The following HEPH variants were observed in gnomAD, a reference collection of about 807,000 sequenced individuals.
HEPH encodes the protein hephaestin.
A neutral mutation model predicts 80.8 loss-of-function variants in HEPH; 69 were observed. The ratio of observed to expected loss-of-function variants is 0.85; its 90% CI spans 0.70 to 1.04. The LOEUF (loss-of-function observed/expected upper bound fraction) is 1.04, where lower values mean the gene tolerates loss of function less well. Ranked by LOEUF, HEPH falls within the 50% of genes least tolerant of loss-of-function variation. The pLI, the probability that HEPH is intolerant of heterozygous loss-of-function variation, is 0.00. For synonymous variants in HEPH, 431 were observed against 322.8 expected (o/e 1.34, Z -3.60); for missense variants, 1,115 against 891.3 (o/e 1.25, Z -3.20).
chrX:66,186,276 GC>G (rs777877117), intron 4 of HEPH, among the ~76,000 whole-genome samples: 32,103 of 99,440 alleles, frequency 0.32, 6,823 homozygotes, highest in African/African-American at 0.73. Context: ...GCAAGCCTGG[GC>G]AATGGCGGGC....
chrX:66,255,107 C>A lies in HEPH; in HGVS notation c.2636C>A (p.Ser879Tyr). ...GPGPNDSACV[S>Y]WIYYSAVDPI... ...GGGCCCAATGACTCTGCTTGTGTTT[C>A]CTGGATCTATTATTCTGCAGTGGAT... Residue 879 changes from serine (S) to tyrosine (Y), a missense_variant, in exon 16 of 21, where the codon TCC (serine) becomes TAC (tyrosine). Coordinates refer to ENST00000343002, the MANE Select transcript of HEPH (RefSeq NM_001367233.3). 8.3e-7 allele frequency: 1 copy of A among 1,206,433 alleles called. No individual in the cohort carries two copies. The highest frequency in any genetic ancestry group is 1.1e-6 in the Non-Finnish European group (1 of 892,060).
At chrX:66,265,089 G>A (rs2091494010) in intron 20 of HEPH, among the ~76,000 whole-genome samples, 1 of 110,465 alleles carries the variant, frequency 9.1e-6, no homozygotes, top group Non-Finnish European at 1.9e-5. Context: ...AAAGGAGTAT[G>A]TGGTAGAATG....
At chrX:66,199,367 C>A (rs998604127) in intron 11 of HEPH, among the ~76,000 whole-genome samples, 6 of 109,758 alleles carry the variant, frequency 5.5e-5, no homozygotes, top group Admixed American at 9.6e-5. Context: ...GGGTCCCCCC[C>A]CCCCATACTC....
intron 13 of HEPH, 55 bp from the exon 14 acceptor site, chrX:66,207,140 A>G (rs1181594162): frequency 2.0e-5 from 23 of 1,154,895 alleles, no homozygotes; most frequent in Non-Finnish European, 2.6e-5. Flanking sequence ...AAATACTCAA[A>G]TGAAAATGAG....
At chrX:66,243,546 A>T (rs2090690335) in intron 15 of HEPH, among the ~76,000 whole-genome samples, 1 of 112,769 alleles carries the variant, frequency 8.9e-6, no homozygotes, top group Non-Finnish European at 1.9e-5. Flanking sequence ...CTATACTTTG[A>T]CCCTATGGGT....
chrX:66,242,886 A>G (rs753417936), intron 15 of HEPH, among the ~76,000 whole-genome samples: 9 of 112,030 alleles, frequency 8.0e-5, no homozygotes, highest in Non-Finnish European at 1.7e-4. Flanking sequence ...GATTGTGGAT[A>G]AAAGGGAATG....
chrX:66,238,746 C>G (rs1160052453), intron 15 of HEPH, among the ~76,000 whole-genome samples: 1 of 111,652 alleles, frequency 9.0e-6, no homozygotes, highest in East Asian at 2.8e-4. Context: ...AATGGGAAAT[C>G]AGGGGTCTCA....
intron 15 of HEPH, among the ~76,000 whole-genome samples, chrX:66,229,233 G>C (rs760473929): frequency 1.8e-4 from 20 of 112,156 alleles, no homozygotes; most frequent in Non-Finnish European, 3.8e-5. Flanking sequence ...TATAGATATA[G>C]ATGTAGATAT....
At chrX:66,167,250 G>A (rs752981774) in intron 1 of HEPH, among the ~76,000 whole-genome samples, 40 of 111,725 alleles carry the variant, frequency 3.6e-4, no homozygotes, top group Non-Finnish European at 6.8e-4. Context: ...TATATAAGAT[G>A]GCAGATATGA....
chrX:66,238,612 C>G (rs1161877162), intron 15 of HEPH, among the ~76,000 whole-genome samples: 1 of 111,518 alleles, frequency 9.0e-6, no homozygotes, highest in African/African-American at 3.3e-5. Context: ...GCTGAGAGGT[C>G]CACTGTTAGT....
chrX:66,235,982 T>A (rs759096477), intron 15 of HEPH, among the ~76,000 whole-genome samples: 1 of 112,309 alleles, frequency 8.9e-6, no homozygotes, highest in Non-Finnish European at 1.9e-5. Flanking sequence ...TTGCTGAAGT[T>A]GCTTATCAGC....
At chrX:66,210,013 A>G (rs2089024935) in intron 15 of HEPH, among the ~76,000 whole-genome samples, 1 of 111,743 alleles carries the variant, frequency 8.9e-6, no homozygotes, top group African/African-American at 3.3e-5. Flanking sequence ...AAAGCATAAG[A>G]GTGAACACAG....
At chrX:66,171,662 TTCAGAG>T (rs1475199052) in intron 2 of HEPH, among the ~76,000 whole-genome samples, 1 of 112,115 alleles carries the variant, frequency 8.9e-6, no homozygotes, top group Admixed American at 9.5e-5. Context: ...TTCATCTAGT[TTCAGAG>T]TCAGAGTCCT....
At chrX:66,199,122 T>A in intron 11 of HEPH, 94 bp downstream of exon 11, 1 of 895,816 alleles carries the variant, frequency 1.1e-6, no homozygotes, top group South Asian at 2.3e-5. Context: ...AACACTGATT[T>A]TATTGGTCAT....
intron 15 of HEPH, among the ~76,000 whole-genome samples, chrX:66,221,889 A>G (rs1090839): frequency 0.39 from 43,716 of 111,530 alleles, 9,670 homozygotes; most frequent in African/African-American, 0.86. Context: ...CTCCAATTGC[A>G]TCTAAATGGA....
In HEPH at chrX:66,260,173, G is replaced by C. The variant is rs150730970; in HGVS notation, c.3110G>C (p.Ser1037Thr). ...GTFEVVEMVASNPGTWLMHCH... is the reference protein window; with the variant it reads ...GTFEVVEMVATNPGTWLMHCH... ...TTTGAGGTTGTGGAGATGGTGGCCA[G>C]CAACCCTGGGACATGGCTGATGCAC... The change falls in exon 19 of 21, where the codon AGC becomes ACC. Residue 1037 changes from serine to threonine, a missense_variant. This residue lies in a region of HEPH where 716 missense variants were observed against 523.5 expected (regional missense o/e 1.37). Transcript: ENST00000343002. 2.7e-4 allele frequency: 320 copies of C among 1,203,705 alleles called. 2 individuals carry two copies. In the East Asian group the frequency reaches 9.4e-3, roughly 35 times the overall value.
intron 3 of HEPH, among the ~76,000 whole-genome samples, chrX:66,172,853 A>G (rs1046741971): frequency 2.7e-5 from 3 of 111,827 alleles, no homozygotes; most frequent in African/African-American, 9.8e-5. Flanking sequence ...GACACAGTCT[A>G]CCTCTTAACA....
At chrX:66,192,449 G>A (rs2087851514) in intron 7 of HEPH, 151 bp downstream of exon 7, 2 of 600,045 alleles carry the variant, frequency 3.3e-6, no homozygotes, top group African/African-American at 2.3e-5. Context: ...CCAAGTTCTT[G>A]TGTCCCCCTG....
intron 15 of HEPH, among the ~76,000 whole-genome samples, chrX:66,244,554 T>C (rs933542828): frequency 1.8e-5 from 2 of 111,604 alleles, no homozygotes; most frequent in Non-Finnish European, 3.8e-5. Flanking sequence ...ATCTCCTATA[T>C]CATTTTATTA....
Sources: allele counts gnomAD v4.1 joint callset (sites outside exome capture counted in the v4.1 genomes callset), GRCh38; gene constraint gnomAD v4.1.1; regional missense constraint gnomAD v4.1.1; transcripts MANE v1.5; gene names NCBI Gene and HGNC (gene_info 2026-07-23, HGNC 2026-07-21).